Variants in NFIB observed in about 807,000 individuals in gnomAD.
The protein encoded by NFIB is nuclear factor I B.
NFIB carries 11 observed loss-of-function variants against 61.5 expected under a neutral mutation model. That is an observed-to-expected ratio of 0.18 (90% confidence interval 0.11 to 0.30). NFIB has a LOEUF of 0.30. Ranked by LOEUF, NFIB falls within the 10% of genes least tolerant of loss-of-function variation. The pLI, the probability that NFIB is intolerant of heterozygous loss-of-function variation, is 1.00. For synonymous variants in NFIB, 260 were observed against 216.5 expected (o/e 1.20, Z -1.76); for missense variants, 471 against 608.9 (o/e 0.77, Z 2.38).
intron 3 of NFIB, among the ~76,000 whole-genome samples, chr9:14,177,621 A>G (rs1224179784): frequency 1.3e-5 from 2 of 152,144 alleles, no homozygotes; most frequent in East Asian, 3.8e-4. Context: ...TGTGTATTTT[A>G]TATTACATTC....
chr9:14,514,478 G>A, the NFIB span, among the ~76,000 whole-genome samples: 1 of 152,064 alleles, frequency 6.6e-6, no homozygotes, highest in South Asian at 2.1e-4. Flanking sequence ...CATAGATTTG[G>A]TATTGGAAGA....
Position 14,313,573 on chromosome 9 carries a change from T to C in NFIB, c.-62A>G. Reference sequence around the variant, plus strand: ...AAGAAAATCTTCGAGAAGCAAGAATTTCATCTATTCATTTTACAGTCATCT... The same window carrying C: ...AAGAAAATCTTCGAGAAGCAAGAATCTCATCTATTCATTTTACAGTCATCT... On this transcript the variant is annotated 5_prime_UTR_variant, in exon 1 of 11. Coordinates refer to ENST00000380953, the MANE Select transcript of NFIB (RefSeq NM_001190737.2). The surrounding 1 kb of genome is among the most constrained non-coding windows in gnomAD (Gnocchi z 4.5). The C allele has an allele frequency of 4.3e-6, 7 of 1,611,548 alleles. No individual in the cohort carries two copies. Among genetic ancestry groups the C allele is most frequent in the Non-Finnish European group, 5.9e-6 (7 of 1,178,852 alleles).
At chr9:14,277,904 T>C (rs1336944706) in intron 2 of NFIB, among the ~76,000 whole-genome samples, 2 of 152,178 alleles carry the variant, frequency 1.3e-5, no homozygotes, top group African/African-American at 4.8e-5. Flanking sequence ...CTGTTTCTCG[T>C]GACTTGAAAT....
chr9:14,427,746 A>G, the NFIB span, among the ~76,000 whole-genome samples: 1 of 152,122 alleles, frequency 6.6e-6, no homozygotes, highest in East Asian at 1.9e-4. Flanking sequence ...CTAATAGAAG[A>G]GTGACTGGTT....
chr9:14,392,492 C>CT (rs2061635557), intron 1 of NFIB, among the ~76,000 whole-genome samples: 1 of 152,164 alleles, frequency 6.6e-6, no homozygotes, highest in Non-Finnish European at 1.5e-5. Context: ...CTTTGGGAGG[C>CT]CAAGGCTGAT....
chr9:14,295,633 A>AAAAT (rs137968724), intron 2 of NFIB, among the ~76,000 whole-genome samples: 1 of 149,618 alleles, frequency 6.7e-6, no homozygotes, highest in South Asian at 2.1e-4. Flanking sequence ...TCCTTCTCAA[A>AAAAT]AAACAAACAA....
the NFIB span, among the ~76,000 whole-genome samples, chr9:14,528,664 T>G: frequency 6.6e-6 from 1 of 152,102 alleles, no homozygotes; most frequent in Non-Finnish European, 1.5e-5. Context: ...TTATGAAAGT[T>G]GGAGAAAAAA....
chr9:14,234,627 G>A (rs1444883455), intron 2 of NFIB, among the ~76,000 whole-genome samples: 2 of 151,846 alleles, frequency 1.3e-5, no homozygotes, highest in Non-Finnish European at 2.9e-5. Context: ...CTCCCAAAGT[G>A]CTGTGATTAC....
Position 14,153,083 on chromosome 9 carries a change from A to C in NFIB, c.685+2742T>G, listed in dbSNP as rs564738564. 3.3e-5 allele frequency among the ~76,000 whole-genome samples: 5 copies of C among 152,292 alleles called. No homozygotes were observed. The South Asian group carries it at 1.0e-3, about 32-fold the overall frequency. On this transcript the variant is annotated intron_variant, in intron 4 of 10. Coordinates refer to ENST00000380953, the MANE Select transcript of NFIB (RefSeq NM_001190737.2). ...ATGTTTGAGATGACAGATATCCTAA[A>C]TAGCCTGATTTAATCATTATACACT...
chr9:14,506,561 T>A, the NFIB span, among the ~76,000 whole-genome samples: 1 of 152,182 alleles, frequency 6.6e-6, no homozygotes, highest in African/African-American at 2.4e-5. Flanking sequence ...GGAGGGATTA[T>A]TTTTGGAGGA....
the NFIB span, among the ~76,000 whole-genome samples, chr9:14,457,059 G>T: frequency 6.6e-6 from 1 of 152,160 alleles, no homozygotes. Context: ...AAATAAAATT[G>T]TCATGTGAGA....
At chr9:14,422,796 C>A in the NFIB span, among the ~76,000 whole-genome samples, 1 of 152,116 alleles carries the variant, frequency 6.6e-6, no homozygotes, top group Non-Finnish European at 1.5e-5. Flanking sequence ...TGTTCCCAGC[C>A]CTGCCAGCCA....
At chr9:14,180,770 G>A (rs2046677992) in intron 2 of NFIB, 1 of 152,224 alleles carries the variant, frequency 6.6e-6, no homozygotes, top group Non-Finnish European at 1.5e-5. Context: ...CTTCTTTTGT[G>A]TCCTCCTCAG....
At chr9:14,092,059 G>T (rs897809004) in intron 10 of NFIB, among the ~76,000 whole-genome samples, 1 of 152,128 alleles carries the variant, frequency 6.6e-6, no homozygotes, top group Non-Finnish European at 1.5e-5. Flanking sequence ...TGCATTACTG[G>T]TGATGGTCCT....
intron 1 of NFIB, among the ~76,000 whole-genome samples, chr9:14,392,132 A>C (rs2061629556): frequency 6.6e-6 from 1 of 152,204 alleles, no homozygotes; most frequent in Non-Finnish European, 1.5e-5. Flanking sequence ...TATCAAAAAC[A>C]AGGAAAGTCT....
intron 2 of NFIB, among the ~76,000 whole-genome samples, chr9:14,236,880 C>A (rs1193892810): frequency 3.9e-5 from 6 of 151,960 alleles, no homozygotes; most frequent in Non-Finnish European, 8.8e-5. Flanking sequence ...CACAAAAAAG[C>A]CACTATTTGG....
the NFIB span, among the ~76,000 whole-genome samples, chr9:14,466,599 C>T: frequency 6.6e-6 from 1 of 152,196 alleles, no homozygotes; most frequent in African/African-American, 2.4e-5. Flanking sequence ...TCAGCCTTCC[C>T]TCCTGCTCTC....
At chr9:14,443,185 G>T in the NFIB span, among the ~76,000 whole-genome samples, 1 of 152,094 alleles carries the variant, frequency 6.6e-6, no homozygotes, top group Non-Finnish European at 1.5e-5. Context: ...GATCAGTCGG[G>T]CAGTGCCAAA....
At chr9:14,254,914 C>T (rs2056067692) in intron 2 of NFIB, among the ~76,000 whole-genome samples, 3 of 152,132 alleles carry the variant, frequency 2.0e-5, no homozygotes, top group African/African-American at 7.2e-5. Context: ...TACCTTAAAG[C>T]TACAAGCTTT....
Sources: gnomAD v4.1 joint callset for allele counts (sites outside exome capture counted in the v4.1 genomes callset) on GRCh38, gnomAD v4.1.1 for gene constraint, Gnocchi (gnomAD v3.1) non-coding constraint, MANE v1.5 for transcripts, NCBI Gene and HGNC (gene_info 2026-07-23, HGNC 2026-07-21) for gene names.